NKAIN3: variants seen among roughly 807,000 people sequenced by gnomAD.
NKAIN3 encodes the protein sodium/potassium transporting ATPase interacting 3, also known as sodium/potassium-transporting ATPase subunit beta-1-interacting protein 3.
A neutral mutation model predicts 30.2 loss-of-function variants in NKAIN3; 25 were observed. The observed-to-expected ratio is 0.83, with a 90% CI of 0.60 to 1.16. NKAIN3 has a LOEUF of 1.16. Ranked by LOEUF, NKAIN3 falls within the 50% of genes most tolerant of loss-of-function variation. The pLI is 0.00. For missense variants in NKAIN3, 225 were observed against 254.1 expected (o/e 0.89, Z 0.78); for synonymous variants, 91 against 89.6 (o/e 1.02, Z -0.09).
chr8:62,405,591 C>T (rs1364301791), intron 1 of NKAIN3, among the ~76,000 whole-genome samples: 1 of 152,180 alleles, frequency 6.6e-6, no homozygotes, highest in African/African-American at 2.4e-5. Context: ...TCTCCGTGCC[C>T]TAAGCACATA....
chr8:62,587,961 C>T (rs1185646524), intron 2 of NKAIN3, among the ~76,000 whole-genome samples: 1 of 151,890 alleles, frequency 6.6e-6, no homozygotes, highest in African/African-American at 2.4e-5. Flanking sequence ...TGAATTGATT[C>T]ACTAAAAAAT....
intron 1 of NKAIN3, among the ~76,000 whole-genome samples, chr8:62,460,992 C>T (rs916937846): frequency 6.6e-6 from 1 of 152,176 alleles, no homozygotes; most frequent in Non-Finnish European, 1.5e-5. Context: ...AGGACATACA[C>T]AGGTATAAGG....
chr8:62,910,916 G>T (rs1245750623), intron 4 of NKAIN3, among the ~76,000 whole-genome samples: 1 of 152,100 alleles, frequency 6.6e-6, no homozygotes, highest in Non-Finnish European at 1.5e-5. Context: ...TCCAGTAAAT[G>T]CCAATGGATG....
Position 62,346,692 on chromosome 8 carries a change from G to T in NKAIN3, c.54+97565G>T, listed in dbSNP as rs986797465. On this transcript the variant is annotated intron_variant, in intron 1 of 6. Coordinates refer to ENST00000623646, the MANE Select transcript of NKAIN3 (RefSeq NM_001304533.3). ...CAGACATCATGGGAGTTGTGTTCTA[G>T]GTGCCACTAGAAAGGTTGACCTGAG... 2.6e-5 allele frequency among the ~76,000 whole-genome samples: 4 copies of T among 152,146 alleles called. No individual in the cohort carries two copies. The East Asian group carries it at 7.8e-4, about 30-fold the overall frequency.
intron 3 of NKAIN3, among the ~76,000 whole-genome samples, chr8:62,614,490 G>A (rs1202202537): frequency 6.6e-6 from 1 of 152,050 alleles, no homozygotes; most frequent in Non-Finnish European, 1.5e-5. Flanking sequence ...AGGGCTTGCT[G>A]TAACCACTCC....
intron 1 of NKAIN3, among the ~76,000 whole-genome samples, chr8:62,534,387 C>G (rs1038417346): frequency 6.6e-6 from 1 of 152,140 alleles, no homozygotes; most frequent in Non-Finnish European, 1.5e-5. Context: ...TCTAGTGCAA[C>G]CTTCTCTCGC....
intron 3 of NKAIN3, among the ~76,000 whole-genome samples, chr8:62,631,915 G>T (rs1179613383): frequency 6.6e-6 from 1 of 152,248 alleles, no homozygotes; most frequent in African/African-American, 2.4e-5. Context: ...GTGTCTTATC[G>T]ATGCTTTAAT....
chr8:62,807,188 C>G (rs983043429), intron 4 of NKAIN3, among the ~76,000 whole-genome samples: 5 of 152,114 alleles, frequency 3.3e-5, no homozygotes, highest in African/African-American at 1.2e-4. Flanking sequence ...ATAGAAAATA[C>G]AACATATACC....
chr8:62,758,195 AACTC>A (rs927463801), intron 4 of NKAIN3, among the ~76,000 whole-genome samples: 8 of 152,170 alleles, frequency 5.3e-5, no homozygotes, highest in African/African-American at 1.9e-4. Context: ...AAACAAAAAA[AACTC>A]ACGGAAAACA....
chr8:62,814,876 AAAATC>A (rs1818624804), intron 4 of NKAIN3, among the ~76,000 whole-genome samples: 1 of 152,160 alleles, frequency 6.6e-6, no homozygotes, highest in South Asian at 2.1e-4. Context: ...AGAAATAACT[AAAATC>A]AGAGCAGAAC....
chr8:62,994,000 C>T (rs769375405), intron 5 of NKAIN3, among the ~76,000 whole-genome samples: 2 of 152,152 alleles, frequency 1.3e-5, no homozygotes, highest in East Asian at 3.9e-4. Flanking sequence ...TTTATAAGCT[C>T]TTTAAATGCA....
intron 1 of NKAIN3, among the ~76,000 whole-genome samples, chr8:62,364,851 A>AAAC (rs1816687385): frequency 6.6e-6 from 1 of 150,802 alleles, no homozygotes; most frequent in Non-Finnish European, 1.5e-5. Context: ...AAAAAAAAAA[A>AAAC]TCATCTATGG....
At chr8:62,771,782 G>T (rs1284964609) in intron 4 of NKAIN3, among the ~76,000 whole-genome samples, 2 of 151,884 alleles carry the variant, frequency 1.3e-5, no homozygotes, top group East Asian at 3.9e-4. Context: ...ATTTTTATGG[G>T]AACATAGTAG....
intron 4 of NKAIN3, among the ~76,000 whole-genome samples, chr8:62,797,425 A>G (rs530117771): frequency 6.6e-6 from 1 of 152,330 alleles, no homozygotes; most frequent in East Asian, 1.9e-4. Flanking sequence ...ATGAGCAGTT[A>G]AAATAATGTT....
chr8:62,254,557 A>G (rs942239302), intron 1 of NKAIN3, among the ~76,000 whole-genome samples: 3 of 152,218 alleles, frequency 2.0e-5, no homozygotes, highest in Non-Finnish European at 2.9e-5. Context: ...CACAAAAAAC[A>G]TAGAGCTGGA....
intron 1 of NKAIN3, among the ~76,000 whole-genome samples, chr8:62,497,985 GTTTC>G (rs1178132885): frequency 1.3e-5 from 2 of 152,100 alleles, no homozygotes; most frequent in Admixed American, 6.6e-5. Flanking sequence ...TTGCTGCTTA[GTTTC>G]TTTCTTTCTT....
intron 1 of NKAIN3, among the ~76,000 whole-genome samples, chr8:62,396,554 T>A (rs1247103070): frequency 6.6e-6 from 1 of 152,252 alleles, no homozygotes; most frequent in African/African-American, 2.4e-5. Context: ...TTTATCATAG[T>A]ATTTTTATTT....
chr8:62,514,924 A>G (rs1807934435), intron 1 of NKAIN3, among the ~76,000 whole-genome samples: 1 of 152,096 alleles, frequency 6.6e-6, no homozygotes, highest in Non-Finnish European at 1.5e-5. Flanking sequence ...TTCCACCCCA[A>G]AAGTATCTAT....
chr8:62,279,982 G>C (rs941057495), intron 1 of NKAIN3, among the ~76,000 whole-genome samples: 2 of 152,106 alleles, frequency 1.3e-5, no homozygotes, highest in Non-Finnish European at 2.9e-5. Context: ...CCATTTTCAC[G>C]ATATTTGTTC....
Sources: allele counts gnomAD v4.1 joint callset (sites outside exome capture counted in the v4.1 genomes callset), GRCh38; gene constraint gnomAD v4.1.1; transcripts MANE v1.5; gene names NCBI Gene and HGNC (gene_info 2026-07-23, HGNC 2026-07-21).